DENND4C: variants seen among roughly 807,000 people sequenced by gnomAD.
The protein encoded by DENND4C is DENN domain-containing protein 4C.
In DENND4C, 108 loss-of-function variants were observed where a neutral mutation model predicts 203.0. That is an observed-to-expected ratio of 0.53 (90% confidence interval 0.46 to 0.62). The LOEUF is 0.62. Ranked by LOEUF, DENND4C falls within the 20% of genes least tolerant of loss-of-function variation. The pLI, the probability that DENND4C is intolerant of heterozygous loss-of-function variation, is 0.00. For synonymous variants in DENND4C, 871 were observed against 792.4 expected, an observed-to-expected ratio of 1.10 and a Z score of -1.67; for missense variants, 2,481 against 2,301.2, an observed-to-expected ratio of 1.08 and a Z score of -1.60.
At position 19,312,617 on chromosome 9, in the gene DENND4C, A is replaced by C. The variant is rs900174722; in HGVS notation, c.1488-3800A>C. Among the ~76,000 whole-genome samples the C allele has an allele frequency of 2.0e-5, 3 of 152,178 alleles. No individual in the cohort carries two copies. In the East Asian group the frequency reaches 5.8e-4, roughly 29 times the overall value. On this transcript the variant is annotated intron_variant, in intron 10 of 32. Transcript: ENST00000434457. ...GAACAAGGGTGTGTGTATGTGTTTT[A>C]AGTTATTTTTGAGCTGTGTGATCAT...
intron 9 of DENND4C, 96 bp downstream of exon 9, chr9:19,300,427 A>G (rs1052232116): frequency 1.7e-5 from 21 of 1,204,602 alleles, no homozygotes; most frequent in Non-Finnish European, 2.2e-5. Context: ...GTAAACAACA[A>G]CAAATTTAAA....
At chr9:19,356,445 C>T (rs779531322) in intron 26 of DENND4C, among the ~76,000 whole-genome samples, 1 of 152,004 alleles carries the variant, frequency 6.6e-6, no homozygotes, top group South Asian at 2.1e-4. Context: ...AGGCCCTTCC[C>T]TCCTCAAGTC....
chr9:19,250,069 G>A (rs1338465281), intron 1 of DENND4C, among the ~76,000 whole-genome samples: 1 of 152,168 alleles, frequency 6.6e-6, no homozygotes, highest in Non-Finnish European at 1.5e-5. Flanking sequence ...ATGTCAAGGT[G>A]GGACGATTGC....
chr9:19,294,338 A>G (rs1481550817), intron 5 of DENND4C, among the ~76,000 whole-genome samples: 1 of 152,144 alleles, frequency 6.6e-6, no homozygotes, highest in African/African-American at 2.4e-5. Flanking sequence ...TGTCAAAGAC[A>G]GCAAAGGAAT....
chr9:19,354,384 T>G (rs1316911579), intron 26 of DENND4C, among the ~76,000 whole-genome samples: 2 of 152,158 alleles, frequency 1.3e-5, no homozygotes, highest in Non-Finnish European at 2.9e-5. Context: ...AAACACAAAA[T>G]ATTGCTTCCT....
chr9:19,349,242 A>C lies in DENND4C; in HGVS notation c.4318-1460A>C, dbSNP rs144410062. Among the ~76,000 whole-genome samples, 36 of 152,224 alleles carry C rather than the reference A, an allele frequency of 2.4e-4. No individual in the cohort carries two copies. In the East Asian group the frequency reaches 6.6e-3, roughly 28 times the overall value. On this transcript the variant is annotated intron_variant, in intron 23 of 32. Transcript: ENST00000434457. The stretch of plus-strand genomic sequence containing the variant: ...GGCAACATGGTGAAACCCCATCTAT[A>C]CAAAAAAATACAAAAATTAGCTGGG...
At chr9:19,351,256 A>G (rs1824053524) in intron 24 of DENND4C, among the ~76,000 whole-genome samples, 1 of 152,154 alleles carries the variant, frequency 6.6e-6, no homozygotes, top group Non-Finnish European at 1.5e-5. Context: ...TTAGTTCTCA[A>G]ACTTTGGCAT....
intron 2 of DENND4C, among the ~76,000 whole-genome samples, chr9:19,283,633 C>CA (rs1834587560): frequency 1.0e-5 from 1 of 98,002 alleles, no homozygotes; most frequent in Non-Finnish European, 2.0e-5. Context: ...TTTTTTGAGA[C>CA]AGAGTTTCGT....
In DENND4C at chr9:19,310,963, G is replaced by A. The variant is rs114418021; in HGVS notation, c.1487+5436G>A. On this transcript the variant is annotated intron_variant, in intron 10 of 32. Coordinates refer to ENST00000434457, the MANE Select transcript of DENND4C (RefSeq NM_001330640.2). ...AAGAATTTAAGATAATTGCATTGAT[G>A]TTCATAAATGATATTGGCCTGATGT... 3.2e-3 allele frequency among the ~76,000 whole-genome samples: 481 copies of A among 152,266 alleles called. 2 individuals carry two copies. Among genetic ancestry groups the A allele is most frequent in the African/African-American group, 0.011 (458 of 41,546 alleles).
In DENND4C at chr9:19,373,429, CATTGTTGGTATTG is replaced by C; in HGVS notation, c.*1259_*1271del. The C allele has an allele frequency of 6.5e-6, 1 of 152,708 alleles. No homozygotes were observed. Among genetic ancestry groups the C allele is most frequent in the Admixed American group, 6.5e-5 (1 of 15,300 alleles). The allele number at this position is 152,708 out of a possible 1,614,324, so 9.5% of individuals were successfully genotyped here. A position where few individuals can be genotyped will look rare whatever the true frequency, so the allele number is the denominator to read the frequency against. On this transcript the variant is annotated 3_prime_UTR_variant, in exon 33 of 33. Coordinates refer to ENST00000434457, the MANE Select transcript of DENND4C (RefSeq NM_001330640.2). ...CATGAAATCTTTTTTCAGGCACATA[CATTGTTGGTATTG>C]ATGACTTTTTAAAACCTGTGGGATA...
intron 1 of DENND4C, among the ~76,000 whole-genome samples, chr9:19,235,027 T>C (rs144243421): frequency 7.3e-4 from 111 of 151,226 alleles, no homozygotes; most frequent in African/African-American, 2.6e-3. Flanking sequence ...TGCAATGGGG[T>C]GATCTCAGTT....
intron 28 of DENND4C, 46 bp from the exon 29 acceptor site, chr9:19,360,198 C>T: frequency 6.4e-7 from 1 of 1,573,466 alleles, no homozygotes; most frequent in Non-Finnish European, 8.7e-7. Context: ...CTTGAGCATA[C>T]AGATTTAAAC....
Position 19,298,088 on chromosome 9 carries a change from T to C in DENND4C, c.1073T>C (p.Phe358Ser). Residue 358 changes from phenylalanine to serine, a missense_variant, in exon 7 of 33, where the codon TTT becomes TCT. By Grantham distance (155) the Phe-to-Ser change is radical. This residue lies in a region of DENND4C where 2,289 missense variants were observed against 2,113.3 expected (regional missense o/e 1.08). Transcript: ENST00000434457. ...HISHFMQNIPFPSPQRPRILV... is the reference protein window; with the variant it reads ...HISHFMQNIPSPSPQRPRILV... Reference sequence around the variant, plus strand: ...TCACATTTTATGCAAAACATCCCTTTTCCTTCACCACAAAGACCGAGAATC... The same window carrying C: ...TCACATTTTATGCAAAACATCCCTTCTCCTTCACCACAAAGACCGAGAATC... The C allele has an allele frequency of 6.2e-7, 1 of 1,610,904 alleles. No individual in the cohort carries two copies. Among genetic ancestry groups the C allele is most frequent in the Non-Finnish European group, 8.5e-7 (1 of 1,178,414 alleles).
At chr9:19,362,274 AAAC>A (rs779686416) in intron 30 of DENND4C, among the ~76,000 whole-genome samples, 15 of 152,026 alleles carry the variant, frequency 9.9e-5, no homozygotes, top group Non-Finnish European at 1.9e-4. Flanking sequence ...ATTGTATCTC[AAAC>A]AAAACAAAAC....
intron 1 of DENND4C, among the ~76,000 whole-genome samples, chr9:19,245,563 T>G (rs577838139): frequency 7.2e-6 from 1 of 138,264 alleles, no homozygotes; most frequent in Non-Finnish European, 1.6e-5. Flanking sequence ...ACTTAAAAAA[T>G]TGTAAGCATT....
At chr9:19,265,422 T>C (rs1240334042) in intron 1 of DENND4C, among the ~76,000 whole-genome samples, 1 of 141,466 alleles carries the variant, frequency 7.1e-6, no homozygotes, top group Non-Finnish European at 1.5e-5. Flanking sequence ...TTCCTCTTGT[T>C]ACTGATTTCT....
rs1001061997 is a variant in DENND4C at position 19,371,789 on chromosome 9, A to C, written c.5709A>C (p.Leu1903Phe). The C allele has an allele frequency of 1.8e-5, 26 of 1,466,808 alleles. No individual in the cohort carries two copies. Among genetic ancestry groups the C allele is most frequent in the Non-Finnish European group, 2.3e-5 (24 of 1,058,212 alleles). The allele number at this position is 1,466,808 out of a possible 1,614,324, so 90.9% of individuals were successfully genotyped here. A position where few individuals can be genotyped will look rare whatever the true frequency, so the allele number is the denominator to read the frequency against. ...ACAGAGAAATCCTCTTCTTATCATT[A>C]GTGTCTCTAGGAAGAGAGAATATTG... The part of the protein sequence containing the change: ...SLYREILFLS[L>F]VSLGRENIDI... The change falls in exon 32 of 33, where the codon TTA (leucine) becomes TTC (phenylalanine). Residue 1903 changes from leucine (L) to phenylalanine (F), a missense_variant. By Grantham distance (22) the Leu-to-Phe change is conservative. Coordinates refer to ENST00000434457, the MANE Select transcript of DENND4C (RefSeq NM_001330640.2).
chr9:19,328,657 G>GTCTATCTATCTATCTA (rs60484849), intron 16 of DENND4C, among the ~76,000 whole-genome samples: 29 of 119,378 alleles, frequency 2.4e-4, no homozygotes, highest in East Asian at 8.6e-4. Flanking sequence ...CTGTCTGTCT[G>GTCTATCTATCTATCTA]TCTATCTATC....
At chr9:19,350,364 C>G (rs1419450568) in intron 23 of DENND4C, among the ~76,000 whole-genome samples, 1 of 152,194 alleles carries the variant, frequency 6.6e-6, no homozygotes, top group East Asian at 1.9e-4. Context: ...GATTCAAAAA[C>G]CCCTACTCTA....
Sources: gnomAD v4.1 joint callset for allele counts (sites outside exome capture counted in the v4.1 genomes callset) on GRCh38, gnomAD v4.1.1 for gene constraint, gnomAD v4.1.1 regional missense constraint, MANE v1.5 for transcripts, NCBI Gene and HGNC (gene_info 2026-07-23, HGNC 2026-07-21) for gene names.